Variants in GTF2A1L observed in about 807,000 individuals in gnomAD.
GTF2A1L encodes the protein TFIIA-alpha and beta-like factor.
Under a neutral mutation model 49.7 loss-of-function variants are expected in GTF2A1L, and 48 were observed. The ratio of observed to expected loss-of-function variants is 0.97; its 90% CI spans 0.77 to 1.23. The LOEUF (loss-of-function observed/expected upper bound fraction) is 1.23, where lower values mean the gene tolerates loss of function less well. GTF2A1L is among the 50% of genes most tolerant of loss of function. The pLI, the probability that GTF2A1L is intolerant of heterozygous loss-of-function variation, is 0.00. For synonymous variants in GTF2A1L, 246 were observed against 193.5 expected, an observed-to-expected ratio of 1.27 and a Z score of -2.25; for missense variants, 736 against 564.8, an observed-to-expected ratio of 1.30 and a Z score of -3.07.
At chr2:48,631,985 C>A (rs7566301) in intron 3 of GTF2A1L, among the ~76,000 whole-genome samples, 1 of 152,118 alleles carries the variant, frequency 6.6e-6, no homozygotes. Context: ...TCTTGGTATA[C>A]ATTTGTTTTT....
rs905403172 is a variant in GTF2A1L, at chr2:48,626,156, C to T, written c.247+4866C>T. 2.1e-5 allele frequency among the ~76,000 whole-genome samples: 3 copies of T among 144,044 alleles called. 1 individual carries two copies. The highest frequency in any genetic ancestry group is 7.0e-5 in the Admixed American group (1 of 14,220). The allele number at this position is 144,044 out of a possible 152,430, so 94.5% of individuals were successfully genotyped here. A position where few individuals can be genotyped will look rare whatever the true frequency, so the allele number is the denominator to read the frequency against. Reference sequence around the variant, plus strand: ...CTTTCCCCATTGTGTCCTCTTAGCACCCTTGTTGAAAATCAGTTGACCATA... The same window carrying T: ...CTTTCCCCATTGTGTCCTCTTAGCATCCTTGTTGAAAATCAGTTGACCATA... On this transcript the variant is annotated intron_variant, in intron 3 of 8. Coordinates refer to ENST00000403751, the MANE Select transcript of GTF2A1L (RefSeq NM_006872.5).
At chr2:48,647,321 G>A (rs1267000386) in intron 6 of GTF2A1L, among the ~76,000 whole-genome samples, 2 of 151,902 alleles carry the variant, frequency 1.3e-5, no homozygotes, top group Non-Finnish European at 2.9e-5. Context: ...TTTCTTTATT[G>A]TTGTTTTTAG....
At chr2:48,663,266 A>T (rs1678624015) in intron 6 of GTF2A1L, among the ~76,000 whole-genome samples, 1 of 152,060 alleles carries the variant, frequency 6.6e-6, no homozygotes, top group South Asian at 2.1e-4. Flanking sequence ...AAACCCCATC[A>T]ATATAAAAAA....
chr2:48,649,408 A>G (rs1186351822), intron 6 of GTF2A1L, among the ~76,000 whole-genome samples: 3 of 152,162 alleles, frequency 2.0e-5, no homozygotes, highest in Non-Finnish European at 4.4e-5. Flanking sequence ...CTAATTTATC[A>G]GTGTGTAGTC....
rs561522303 is a variant in GTF2A1L, at chr2:48,660,283, C to T, written c.979-9439C>T. On this transcript the variant is annotated intron_variant, in intron 6 of 8. Transcript: ENST00000403751. ...CTTTGTCTTTGGTATCAGGGTAATG[C>T]TGGCCTCATAAAATAAGTTTGGAGA... is the stretch of plus-strand genomic sequence containing the variant. 5.3e-5 allele frequency among the ~76,000 whole-genome samples: 8 copies of T among 152,204 alleles called. No homozygotes were observed. The South Asian group carries it at 8.3e-4, about 16-fold the overall frequency.
chr2:48,666,480 A>AT (rs1267870738), intron 6 of GTF2A1L, among the ~76,000 whole-genome samples: 2 of 152,118 alleles, frequency 1.3e-5, no homozygotes, highest in Admixed American at 6.5e-5. Flanking sequence ...GATAGACACC[A>AT]TATGGTTGGG....
chr2:48,665,556 C>T (rs1678795318), intron 6 of GTF2A1L, among the ~76,000 whole-genome samples: 1 of 151,978 alleles, frequency 6.6e-6, no homozygotes, highest in Non-Finnish European at 1.5e-5. Flanking sequence ...TCTAATTTAT[C>T]TTATGATTTA....
At chr2:48,643,821 T>C (rs1001922098) in intron 4 of GTF2A1L, among the ~76,000 whole-genome samples, 1 of 149,708 alleles carries the variant, frequency 6.7e-6, no homozygotes, top group Non-Finnish European at 1.5e-5. Context: ...TGCTTCAGCC[T>C]CCCGAGTAAC....
chr2:48,665,119 AC>A (rs1207648238), intron 6 of GTF2A1L, among the ~76,000 whole-genome samples: 1 of 151,880 alleles, frequency 6.6e-6, no homozygotes, highest in Admixed American at 6.6e-5. Context: ...AATGGGTTTC[AC>A]CATGTTAGTC....
chr2:48,674,982 G>C (rs1679387296), intron 8 of GTF2A1L, among the ~76,000 whole-genome samples: 3 of 152,108 alleles, frequency 2.0e-5, no homozygotes, highest in African/African-American at 4.8e-5. Flanking sequence ...GTAGTCAGAA[G>C]ATAGCCAAAA....
chr2:48,647,930 A>G (rs1184355368), intron 6 of GTF2A1L, among the ~76,000 whole-genome samples: 1 of 152,142 alleles, frequency 6.6e-6, no homozygotes, highest in African/African-American at 2.4e-5. Flanking sequence ...AAAAATACTT[A>G]AAGGTTTTTG....
Position 48,669,877 on chromosome 2 carries a change from G to T in GTF2A1L, c.1134G>T (p.Gly378=). Reference sequence around the variant, plus strand: ...ATGAATTTCTAGGGAATATTGACGGGGGAGATCTGAAGGTACCTGAAGAAG... The same window carrying T: ...ATGAATTTCTAGGGAATATTGACGGTGGAGATCTGAAGGTACCTGAAGAAG... ...DENEFLGNID[G]GDLKVPEEEA... is the part of the protein sequence containing the mutation. The change falls in exon 7 of 9, where the codon GGG becomes GGT. Residue 378 remains glycine, a synonymous_variant. Transcript: ENST00000403751. 1 of 1,613,980 alleles carries T rather than the reference G, an allele frequency of 6.2e-7. No homozygotes were observed. The highest frequency in any genetic ancestry group is 1.1e-5 in the South Asian group (1 of 91,078).
At chr2:48,640,144 C>A (rs1289248695) in intron 3 of GTF2A1L, among the ~76,000 whole-genome samples, 1 of 152,072 alleles carries the variant, frequency 6.6e-6, no homozygotes, top group Non-Finnish European at 1.5e-5. Context: ...TATGGCAATT[C>A]CTCAAAGAGC....
chr2:48,621,432 A>G (rs1480748292), intron 3 of GTF2A1L, 142 bp downstream of exon 3: 12 of 1,118,016 alleles, frequency 1.1e-5, no homozygotes, highest in East Asian at 8.3e-5. Context: ...TGAACACAGT[A>G]TAAATCATTG....
In GTF2A1L at chr2:48,645,916, G is replaced by A. The variant is rs529287485; in HGVS notation, c.389-537G>A. ...ACCTGCCTTGGCCTCCCAAAGTGCT[G>A]GGATTACAGGCATGAGCCACCGCGC... is the stretch of plus-strand genomic sequence containing the variant. On this transcript the variant is annotated intron_variant, in intron 5 of 8. Coordinates refer to ENST00000403751, the MANE Select transcript of GTF2A1L (RefSeq NM_006872.5). Among the ~76,000 whole-genome samples the A allele has an allele frequency of 7.3e-5, 11 of 150,290 alleles. No homozygotes were observed. The South Asian group carries it at 2.3e-3, about 31-fold the overall frequency.
intron 8 of GTF2A1L, 59 bp from the exon 9 acceptor site, chr2:48,679,276 A>T: frequency 6.3e-7 from 1 of 1,577,198 alleles, no homozygotes; most frequent in Non-Finnish European, 8.6e-7. Context: ...TAGCAGAGAA[A>T]TGCAGGTGAT....
chr2:48,618,653 A>G (rs1675797145), intron 1 of GTF2A1L, among the ~76,000 whole-genome samples: 1 of 152,188 alleles, frequency 6.6e-6, no homozygotes, highest in African/African-American at 2.4e-5. Context: ...TACTTTAATT[A>G]TATGTGTTTT....
At chr2:48,662,594 G>C (rs35737133) in intron 6 of GTF2A1L, among the ~76,000 whole-genome samples, 26,238 of 151,508 alleles carry the variant, frequency 0.17, 2,644 homozygotes, top group South Asian at 0.24. Flanking sequence ...AGACTGGAAG[G>C]AATTCCCTCC....
intron 6 of GTF2A1L, among the ~76,000 whole-genome samples, chr2:48,662,830 A>G (rs1168878699): frequency 6.6e-6 from 1 of 152,072 alleles, no homozygotes; most frequent in African/African-American, 2.4e-5. Flanking sequence ...CAACTACCAC[A>G]TGTTCTCACT....
Sources: allele counts gnomAD v4.1 joint callset (sites outside exome capture counted in the v4.1 genomes callset), GRCh38; gene constraint gnomAD v4.1.1; transcripts MANE v1.5; gene names NCBI Gene and HGNC (gene_info 2026-07-23, HGNC 2026-07-21).